M1AP: variants seen among roughly 807,000 people sequenced by gnomAD.
The protein encoded by M1AP is meiosis 1 arrest protein.
M1AP carries 39 observed loss-of-function variants against 51.2 expected under a neutral mutation model. The ratio of observed to expected loss-of-function variants is 0.76; its 90% CI spans 0.59 to 1.00. M1AP has a LOEUF of 1.00. Ranked by LOEUF, M1AP falls within the 50% of genes least tolerant of loss-of-function variation. The pLI, the probability that M1AP is intolerant of heterozygous loss-of-function variation, is 0.00. For synonymous variants in M1AP, 251 were observed against 249.2 expected (o/e 1.01, Z -0.07); for missense variants, 545 against 641.2 (o/e 0.85, Z 1.62).
intron 4 of M1AP, among the ~76,000 whole-genome samples, chr2:74,591,472 A>G (rs1240707487): frequency 6.6e-6 from 1 of 152,226 alleles, no homozygotes; most frequent in African/African-American, 2.4e-5. Flanking sequence ...GTAAATTGCA[A>G]TGCAAAATTG....
chr2:74,637,282 A>C (rs1460751888), intron 2 of M1AP, among the ~76,000 whole-genome samples: 4 of 152,124 alleles, frequency 2.6e-5, no homozygotes, highest in Admixed American at 6.6e-5. Context: ...TTCCTCTCTA[A>C]AAGTTTGATT....
intron 2 of M1AP, among the ~76,000 whole-genome samples, chr2:74,623,364 C>A (rs1011914765): frequency 1.1e-4 from 16 of 151,990 alleles, no homozygotes; most frequent in African/African-American, 3.9e-4. Flanking sequence ...ATTAGCCAGG[C>A]ATGGTGACCC....
intron 4 of M1AP, among the ~76,000 whole-genome samples, chr2:74,597,975 A>T (rs1680442407): frequency 6.6e-6 from 1 of 152,260 alleles, no homozygotes; most frequent in Non-Finnish European, 1.5e-5. Context: ...CCTTTATTTA[A>T]CTTCAGATGT....
intron 2 of M1AP, among the ~76,000 whole-genome samples, chr2:74,639,562 T>C (rs1190108054): frequency 1.3e-5 from 2 of 152,338 alleles, no homozygotes; most frequent in Admixed American, 6.5e-5. Context: ...CTATGTGGAA[T>C]GTAGAAAAAA....
intron 7 of M1AP, among the ~76,000 whole-genome samples, chr2:74,568,633 A>T (rs753952503): frequency 7.9e-5 from 12 of 152,214 alleles, no homozygotes; most frequent in Non-Finnish European, 1.2e-4. Context: ...TCCCCCAAAC[A>T]CATTTGCCAA....
chr2:74,583,491 C>G (rs570832480), intron 4 of M1AP, among the ~76,000 whole-genome samples: 1 of 152,250 alleles, frequency 6.6e-6, no homozygotes, highest in African/African-American at 2.4e-5. Flanking sequence ...GGGCCTGGGT[C>G]TGCAGGTAAA....
chr2:74,647,407 C>G (rs1375497255), intron 1 of M1AP: 1 of 985,376 alleles, frequency 1.0e-6, no homozygotes, highest in Non-Finnish European at 1.2e-6. Context: ...GGTTCTCCCT[C>G]TGGCAGGGCC....
chr2:74,597,726 G>C (rs1680424649), intron 4 of M1AP, among the ~76,000 whole-genome samples: 1 of 152,190 alleles, frequency 6.6e-6, no homozygotes, highest in East Asian at 1.9e-4. Context: ...AGCATCATTA[G>C]GTTGATTTGT....
At chr2:74,644,525 G>A (rs1558704842) in intron 1 of M1AP, among the ~76,000 whole-genome samples, 3 of 148,384 alleles carry the variant, frequency 2.0e-5, no homozygotes, top group Admixed American at 6.7e-5. Flanking sequence ...GTGACAGCGC[G>A]AGACCCCGTC....
intron 4 of M1AP, 88 bp downstream of exon 4, chr2:74,606,967 A>T (rs1217964315): frequency 2.8e-5 from 30 of 1,062,422 alleles, no homozygotes; most frequent in Non-Finnish European, 3.9e-5. Context: ...ATATGTATAC[A>T]TGTGCCATGT....
intron 2 of M1AP, among the ~76,000 whole-genome samples, chr2:74,635,176 T>C (rs887132375): frequency 6.6e-6 from 1 of 152,170 alleles, no homozygotes; most frequent in African/African-American, 2.4e-5. Context: ...TACAGGGCCA[T>C]TCAAACTATC....
At position 74,570,136 on chromosome 2, in the gene M1AP, A is replaced by C. The variant is rs556934897; in HGVS notation, c.1074+5302T>G. On this transcript the variant is annotated intron_variant, in intron 7 of 10. Coordinates refer to ENST00000421985, the MANE Select transcript of M1AP (RefSeq NM_001321739.2). ...AGACTAAGCCACGTAGGGGCCATTA[A>C]ATTTGTTAGGGTTACAAATAGATGA... 6.6e-5 allele frequency among the ~76,000 whole-genome samples: 10 copies of C among 152,234 alleles called. 1 individual carries two copies. The highest frequency in any genetic ancestry group is 5.9e-4 in the Admixed American group (9 of 15,278).
At chr2:74,572,381 T>C (rs1678801250) in intron 7 of M1AP, among the ~76,000 whole-genome samples, 1 of 152,170 alleles carries the variant, frequency 6.6e-6, no homozygotes, top group Non-Finnish European at 1.5e-5. Context: ...AGTGCAGTGG[T>C]GCGATCATGG....
At chr2:74,578,655 G>T (rs1679230039) in intron 5 of M1AP, among the ~76,000 whole-genome samples, 1 of 152,132 alleles carries the variant, frequency 6.6e-6, no homozygotes, top group Non-Finnish European at 1.5e-5. Context: ...AACAAGAAAA[G>T]AAACTCATGT....
chr2:74,640,007 G>A, intron 2 of M1AP, 29 bp downstream of exon 2: 3 of 1,592,512 alleles, frequency 1.9e-6, no homozygotes, highest in Non-Finnish European at 2.6e-6. Context: ...TGCTTTCAGG[G>A]TAAAATGAAT....
Position 74,558,647 on chromosome 2 carries a change from A to T in M1AP, c.*69T>A. 6.4e-7 allele frequency: 1 copy of T among 1,567,964 alleles called. No individual in the cohort carries two copies. Among genetic ancestry groups the T allele is most frequent in the South Asian group, 1.2e-5 (1 of 86,558 alleles). On this transcript the variant is annotated 3_prime_UTR_variant, in exon 11 of 11. Coordinates refer to ENST00000421985, the MANE Select transcript of M1AP (RefSeq NM_001321739.2). ...GCGGATAGAGAGCAAGTCTGACCAC[A>T]GATAGCCATTATGTGAACCTGAGCA...
intron 1 of M1AP, among the ~76,000 whole-genome samples, chr2:74,641,778 G>T (rs1683312716): frequency 6.7e-6 from 1 of 148,898 alleles, no homozygotes. Context: ...GCCCAGCCAA[G>T]AATTTCAATC....
intron 5 of M1AP, among the ~76,000 whole-genome samples, chr2:74,580,145 C>T (rs1002140683): frequency 5.9e-5 from 9 of 152,142 alleles, no homozygotes; most frequent in Non-Finnish European, 1.3e-4. Context: ...AGTGGTGTAC[C>T]TTACAATTGA....
intron 4 of M1AP, among the ~76,000 whole-genome samples, chr2:74,584,436 C>A (rs1178240330): frequency 7.2e-6 from 1 of 138,856 alleles, no homozygotes; most frequent in African/African-American, 2.7e-5. Flanking sequence ...TAGTGAGACA[C>A]TGTCTCAGTT....
Sources: allele counts gnomAD v4.1 joint callset (sites outside exome capture counted in the v4.1 genomes callset), GRCh38; gene constraint gnomAD v4.1.1; transcripts MANE v1.5; gene names NCBI Gene and HGNC (gene_info 2026-07-23, HGNC 2026-07-21).